Variants in PNPT1 observed in about 807,000 individuals in gnomAD.
PNPT1 encodes polyribonucleotide nucleotidyltransferase 1.
Under a neutral mutation model 119.5 loss-of-function variants are expected in PNPT1, and 53 were observed. That is an observed-to-expected ratio of 0.44 (90% CI 0.36 to 0.56). The LOEUF (loss-of-function observed/expected upper bound fraction) is 0.56. Among genes scored for constraint, PNPT1 ranks in the 20% least tolerant of loss-of-function variants. The pLI, the probability that PNPT1 is intolerant of heterozygous loss-of-function variation, is 0.00. For missense variants in PNPT1, 948 were observed against 938.5 expected (o/e 1.01, Z -0.13); for synonymous variants, 357 against 322.1 (o/e 1.11, Z -1.16).
At chr2:55,653,847 G>A (rs1696291312) in intron 18 of PNPT1, among the ~76,000 whole-genome samples, 1 of 152,124 alleles carries the variant, frequency 6.6e-6, no homozygotes, top group African/African-American at 2.4e-5. Context: ...TGCCAGTACT[G>A]TAAATGTGTT....
intron 2 of PNPT1, 43 bp from the exon 3 acceptor site, chr2:55,686,487 G>A (rs564704597): frequency 1.4e-6 from 2 of 1,472,746 alleles, no homozygotes; most frequent in South Asian, 2.3e-5. Flanking sequence ...TTTGAAATCA[G>A]ATATTAGCAT....
chr2:55,653,852 T>C (rs188700756), intron 18 of PNPT1, among the ~76,000 whole-genome samples: 1 of 152,318 alleles, frequency 6.6e-6, no homozygotes, highest in Admixed American at 6.5e-5. Context: ...GTACTGTAAA[T>C]GTGTTAAGTT....
rs1365124691 is a variant in PNPT1, at chr2:55,683,895, C to A, written c.404-61G>T. ...GACAGAGTTGCTTTACAGTTCAAAACGTTTGAACTAATATAGATAGCCATT... is the reference window on the plus strand; with the variant it reads ...GACAGAGTTGCTTTACAGTTCAAAAAGTTTGAACTAATATAGATAGCCATT... On this transcript the variant is annotated intron_variant, in intron 4 of 27. Coordinates refer to ENST00000447944, the MANE Select transcript of PNPT1 (RefSeq NM_033109.5). 4.0e-6 allele frequency: 6 copies of A among 1,490,898 alleles called. No homozygotes were observed. In the Admixed American group the frequency reaches 1.0e-4, roughly 26 times the overall value. 92.4% of individuals were successfully genotyped at this position (1,490,898 alleles called of 1,614,324 possible).
chr2:55,659,748 C>T (rs931943358), intron 15 of PNPT1, among the ~76,000 whole-genome samples: 1 of 151,948 alleles, frequency 6.6e-6, no homozygotes, highest in African/African-American at 2.4e-5. Flanking sequence ...CTTCTGTAAG[C>T]AATAAAATAG....
intron 19 of PNPT1, among the ~76,000 whole-genome samples, chr2:55,646,879 C>T (rs867062481): frequency 1.3e-5 from 2 of 152,092 alleles, no homozygotes; most frequent in Middle Eastern, 3.2e-3. Flanking sequence ...TGCTCTGTTG[C>T]CCAGGATGGA....
intron 10 of PNPT1, among the ~76,000 whole-genome samples, chr2:55,671,689 C>G (rs1289830532): frequency 6.6e-6 from 1 of 152,194 alleles, no homozygotes; most frequent in Admixed American, 6.5e-5. Flanking sequence ...CAAAAGATAG[C>G]TGAGTGTGGT....
chr2:55,678,923 T>A (rs1357623493), intron 8 of PNPT1, among the ~76,000 whole-genome samples: 1 of 152,216 alleles, frequency 6.6e-6, no homozygotes, highest in Non-Finnish European at 1.5e-5. Flanking sequence ...GAATAGTTTG[T>A]TTCATCAAAA....
At chr2:55,654,864 A>G in intron 18 of PNPT1, 36 bp downstream of exon 18, 1 of 1,600,268 alleles carries the variant, frequency 6.2e-7, no homozygotes, top group Non-Finnish European at 8.6e-7. Context: ...TACAGGCATG[A>G]GCAATATCAG....
chr2:55,670,586 G>T (rs938832037), intron 11 of PNPT1, among the ~76,000 whole-genome samples: 5 of 152,194 alleles, frequency 3.3e-5, no homozygotes, highest in African/African-American at 1.2e-4. Context: ...ATTAAGAATA[G>T]CATCAGTTAA....
intron 5 of PNPT1, among the ~76,000 whole-genome samples, chr2:55,681,611 G>A (rs569590675): frequency 6.6e-6 from 1 of 152,106 alleles, no homozygotes; most frequent in Non-Finnish European, 1.5e-5. Context: ...TTGGGAGGCC[G>A]AGGCAGGTGG....
At chr2:55,647,522 ATTTTT>A in intron 18 of PNPT1, 69 bp from the exon 19 acceptor site, 3 of 945,914 alleles carry the variant, frequency 3.2e-6, no homozygotes, top group Admixed American at 2.9e-5. Flanking sequence ...TTATCTATCA[ATTTTT>A]TTTTTTTTTT....
At chr2:55,646,567 AC>A (rs1372977911) in intron 19 of PNPT1, 81 bp from the exon 20 acceptor site, 27 of 1,142,234 alleles carry the variant, frequency 2.4e-5, no homozygotes, top group Non-Finnish European at 3.4e-5. Context: ...ATTTCAAAAA[AC>A]AGCTTTAGAA....
chr2:55,638,906 C>G (rs981160022), intron 26 of PNPT1, among the ~76,000 whole-genome samples: 3 of 151,978 alleles, frequency 2.0e-5, no homozygotes, highest in Non-Finnish European at 4.4e-5. Context: ...TCCAGAGTAG[C>G]TGGGATTACA....
chr2:55,691,028 C>A (rs1406721704), intron 1 of PNPT1, among the ~76,000 whole-genome samples: 1 of 152,210 alleles, frequency 6.6e-6, no homozygotes, highest in Non-Finnish European at 1.5e-5. Flanking sequence ...TCAAAACTTA[C>A]CAGGAACTGG....
At chr2:55,659,696 AC>A (rs1370763551) in intron 15 of PNPT1, among the ~76,000 whole-genome samples, 1 of 152,180 alleles carries the variant, frequency 6.6e-6, no homozygotes, top group Non-Finnish European at 1.5e-5. Context: ...AATACTACTT[AC>A]ATCTCTCTCT....
At chr2:55,666,018 G>A (rs562766919) in intron 13 of PNPT1, among the ~76,000 whole-genome samples, 1 of 151,536 alleles carries the variant, frequency 6.6e-6, no homozygotes, top group Non-Finnish European at 1.5e-5. Context: ...ACAAATGAGG[G>A]CCTTGAACAG....
chr2:55,686,354 A>C lies in PNPT1; in HGVS notation c.297+16T>G, dbSNP rs766431745. 1 of 1,593,798 alleles carries C rather than the reference A, an allele frequency of 6.3e-7. No homozygotes were observed. The highest frequency in any genetic ancestry group is 1.1e-5 in the South Asian group (1 of 90,564). On this transcript the variant is annotated intron_variant, in intron 3 of 27. Coordinates refer to ENST00000447944, the MANE Select transcript of PNPT1 (RefSeq NM_033109.5). ...TCAGACCATATTACAGTTCAGATAA[A>C]TCAGCAAATACTTACCACCAAAGGC...
At chr2:55,653,651 G>A (rs868122991) in intron 18 of PNPT1, among the ~76,000 whole-genome samples, 1 of 152,180 alleles carries the variant, frequency 6.6e-6, no homozygotes, top group African/African-American at 2.4e-5. Context: ...AGTAGCAGCA[G>A]TATTTTACCA....
At chr2:55,681,535 T>C (rs1249680294) in intron 5 of PNPT1, among the ~76,000 whole-genome samples, 1 of 151,382 alleles carries the variant, frequency 6.6e-6, no homozygotes, top group Non-Finnish European at 1.5e-5. Context: ...AAATGTTAGC[T>C]ATTTCTATCA....
Sources: allele counts gnomAD v4.1 joint callset (sites outside exome capture counted in the v4.1 genomes callset), GRCh38; gene constraint gnomAD v4.1.1; transcripts MANE v1.5; gene names NCBI Gene and HGNC (gene_info 2026-07-23, HGNC 2026-07-21).